The following IMPG2 variants were observed in gnomAD, a reference collection of about 807,000 sequenced individuals.
IMPG2 encodes IPM 200.
Under a neutral mutation model 129.2 loss-of-function variants are expected in IMPG2, and 91 were observed. The ratio of observed to expected loss-of-function variants is 0.70; its 90% confidence interval spans 0.59 to 0.84. The LOEUF is 0.84. Among genes scored for constraint, IMPG2 ranks in the 40% least tolerant of loss-of-function variants. The pLI is 0.00. For missense variants in IMPG2, 1,430 were observed against 1,461.7 expected (o/e 0.98, Z 0.35); for synonymous variants, 510 against 517.7 (o/e 0.99, Z 0.20).
chr3:101,273,535 AC>A, intron 7 of IMPG2, 45 bp downstream of exon 7: 1 of 1,592,394 alleles, frequency 6.3e-7, no homozygotes, highest in South Asian at 1.1e-5. Flanking sequence ...TAGGAAACTA[AC>A]ATAGCAGGCA....
At chr3:101,227,016 A>T (rs1330512983) in intron 18 of IMPG2, 35 bp from the exon 19 acceptor site, 1 of 1,611,686 alleles carries the variant, frequency 6.2e-7, no homozygotes, top group Non-Finnish European at 8.5e-7. Flanking sequence ...TTCAGTAAAA[A>T]AAAAGCAAGA....
rs140826107 is a variant in IMPG2 at position 101,222,840 on chromosome 3, G to A, written c.*4129C>T. ...GTATCATCACATAGTCCTGATATATGAAAAATTATACCTGTATTCTCTGAT... is the reference window on the plus strand; with the variant it reads ...GTATCATCACATAGTCCTGATATATAAAAAATTATACCTGTATTCTCTGAT... On this transcript the variant is annotated 3_prime_UTR_variant, in exon 19 of 19. Coordinates refer to ENST00000193391, the MANE Select transcript of IMPG2 (RefSeq NM_016247.4). The A allele has an allele frequency of 1.3e-5, 2 of 152,246 alleles. No homozygotes were observed. Among genetic ancestry groups the A allele is most frequent in the African/African-American group, 2.4e-5 (1 of 41,536 alleles). 9.4% of individuals were successfully genotyped at this position (152,246 alleles called of 1,614,324 possible). A position where few individuals can be genotyped will look rare whatever the true frequency, so the allele number is the denominator to read the frequency against.
At chr3:101,255,676 G>A (rs1706590430) in intron 10 of IMPG2, among the ~76,000 whole-genome samples, 1 of 151,970 alleles carries the variant, frequency 6.6e-6, no homozygotes, top group Non-Finnish European at 1.5e-5. Context: ...CATCTCCATG[G>A]TTAGCCCCGG....
chr3:101,290,535 CAG>C lies in IMPG2; in HGVS notation c.533+942_533+943del, dbSNP rs562307893. Among the ~76,000 whole-genome samples the C allele has an allele frequency of 2.2e-4, 33 of 152,086 alleles. No individual in the cohort carries two copies. The East Asian group carries it at 5.2e-3, about 24-fold the overall frequency. ...AAATAAATAAATGTAAAAAATAAAACAGAGTAAACCACACCCAAGAGACCACT... is the reference window on the plus strand; with the variant it reads ...AAATAAATAAATGTAAAAAATAAAACAGTAAACCACACCCAAGAGACCACT... On this transcript the variant is annotated intron_variant, in intron 4 of 18. Coordinates refer to ENST00000193391, the MANE Select transcript of IMPG2 (RefSeq NM_016247.4).
chr3:101,302,344 C>T (rs890501122), intron 3 of IMPG2, among the ~76,000 whole-genome samples: 3 of 152,060 alleles, frequency 2.0e-5, no homozygotes, highest in East Asian at 1.9e-4. Context: ...TCCTATATTG[C>T]GGACATAATT....
chr3:101,262,319 G>T (rs1022810952), intron 9 of IMPG2, among the ~76,000 whole-genome samples: 11 of 152,020 alleles, frequency 7.2e-5, no homozygotes, highest in African/African-American at 2.7e-4. Context: ...AAGAGGTACA[G>T]AGCAAATAAA....
Position 101,243,730 on chromosome 3 carries a change from T to G in IMPG2, c.2601A>C (p.Glu867Asp), listed in dbSNP as rs1706436144. 1.9e-6 allele frequency: 3 copies of G among 1,613,916 alleles called. No homozygotes were observed. Among genetic ancestry groups the G allele is most frequent in the Non-Finnish European group, 2.5e-6 (3 of 1,179,838 alleles). ...EQNGKVGSYV[E>D]MSTSVHSTEM... Reference sequence around the variant, plus strand: ...CTGTGGAGTGAACACTTGTTGACATTTCCACATAACTACCAACCTTGCCAT... The same window carrying G: ...CTGTGGAGTGAACACTTGTTGACATGTCCACATAACTACCAACCTTGCCAT... Residue 867 changes from glutamate to aspartate, a missense_variant, in exon 13 of 19, where the codon GAA becomes GAC. Glu to Asp is a conservative substitution (Grantham distance 45). Coordinates refer to ENST00000193391, the MANE Select transcript of IMPG2 (RefSeq NM_016247.4).
chr3:101,290,547 C>T (rs542643046), intron 4 of IMPG2, among the ~76,000 whole-genome samples: 2 of 152,166 alleles, frequency 1.3e-5, no homozygotes, highest in South Asian at 4.2e-4. Context: ...GAGTAAACCA[C>T]ACCCAAGAGA....
intron 4 of IMPG2, among the ~76,000 whole-genome samples, chr3:101,286,888 A>T (rs1428403242): frequency 6.6e-6 from 1 of 152,186 alleles, no homozygotes; most frequent in Non-Finnish European, 1.5e-5. Context: ...GCAGCTCCAG[A>T]GAAAACCCAT....
intron 10 of IMPG2, among the ~76,000 whole-genome samples, chr3:101,256,965 A>C (rs1275678550): frequency 6.6e-6 from 1 of 152,012 alleles, no homozygotes; most frequent in Non-Finnish European, 1.5e-5. Context: ...ATCCAGGTTA[A>C]ACACCCTCTT....
At chr3:101,317,907 G>T (rs2058793237) in intron 2 of IMPG2, among the ~76,000 whole-genome samples, 1 of 151,718 alleles carries the variant, frequency 6.6e-6, no homozygotes, top group African/African-American at 2.4e-5. Flanking sequence ...AAAATACCAA[G>T]ATATTCTTAT....
rs1307676457 is a variant in IMPG2, at chr3:101,245,936, A to G, written c.1409T>C (p.Met470Thr). ...STHKLAFPSK[M>T]GLSSSPEVLE... ...AACCTCTGGGGAAGAGCTGAGGCCC[A>G]TCTTCGAGGGAAAGGCTAATTTGTG... Residue 470 changes from methionine to threonine, a missense_variant, in exon 12 of 19, where the codon ATG (methionine) becomes ACG (threonine). By Grantham distance (81) the Met-to-Thr change is moderately conservative. Transcript: ENST00000193391. The G allele has an allele frequency of 3.1e-6, 5 of 1,614,056 alleles. No individual in the cohort carries two copies. The highest frequency in any genetic ancestry group is 1.7e-5 in the Admixed American group (1 of 60,000).
intron 4 of IMPG2, among the ~76,000 whole-genome samples, chr3:101,278,637 G>A (rs1706862408): frequency 6.6e-6 from 1 of 151,968 alleles, no homozygotes. Context: ...TGGTATGGGA[G>A]GGTAAATTAG....
intron 14 of IMPG2, among the ~76,000 whole-genome samples, chr3:101,241,704 G>A (rs1218953662): frequency 1.3e-5 from 2 of 152,076 alleles, no homozygotes; most frequent in South Asian, 2.1e-4. Flanking sequence ...GTGACTAAAA[G>A]CTCCAGGTGT....
chr3:101,261,205 T>A (rs1316586543), intron 9 of IMPG2, among the ~76,000 whole-genome samples: 1 of 152,136 alleles, frequency 6.6e-6, no homozygotes, highest in Non-Finnish European at 1.5e-5. Context: ...AGTTTCTTTT[T>A]CGGATTTTTG....
chr3:101,295,738 A>G (rs478173), intron 3 of IMPG2, among the ~76,000 whole-genome samples: 109,314 of 152,042 alleles, frequency 0.72, 40,443 homozygotes, highest in East Asian at 0.84. Flanking sequence ...ATTTCCTTGA[A>G]CAGTGAGTGG....
chr3:101,249,550 T>C (rs1235873924), intron 11 of IMPG2, among the ~76,000 whole-genome samples: 1 of 151,940 alleles, frequency 6.6e-6, no homozygotes, highest in Non-Finnish European at 1.5e-5. Flanking sequence ...TTTTTGGCAA[T>C]GTAGCTTTGG....
In IMPG2 at chr3:101,269,586, CA is replaced by C; in HGVS notation, c.829-14del. 1 of 1,500,696 alleles carries C rather than the reference CA, an allele frequency of 6.7e-7. No homozygotes were observed. The highest frequency in any genetic ancestry group is 9.3e-7 in the Non-Finnish European group (1 of 1,078,272). 93.0% of individuals were successfully genotyped at this position (1,500,696 alleles called of 1,614,324 possible). On this transcript the variant is annotated splice_polypyrimidine_tract_variant and intron_variant, in intron 7 of 18. Transcript: ENST00000193391. ...ATGCATTTTCAACCTGTTAAAAGTA[CA>C]AATAAAAATGATAACTATGTAAAAA...
chr3:101,242,754 A>T lies in IMPG2; in HGVS notation c.2956T>A (p.Phe986Ile). The change falls in exon 14 of 19, where the codon TTT becomes ATT. Residue 986 changes from phenylalanine (F) to isoleucine (I), a missense_variant. Transcript: ENST00000193391. ...ATGGTATTGTAGGCAGTGGTACAAAAGTCTTCCAGAATCATGTACACCGCA... is the reference window on the plus strand; with the variant it reads ...ATGGTATTGTAGGCAGTGGTACAAATGTCTTCCAGAATCATGTACACCGCA... The part of the protein sequence containing the change: ...NNAVYMILED[F>I]CTTAYNTMNL... 6.2e-7 allele frequency: 1 copy of T among 1,614,086 alleles called. No individual in the cohort carries two copies. The highest frequency in any genetic ancestry group is 1.1e-5 in the South Asian group (1 of 91,078).
Sources: allele counts gnomAD v4.1 joint callset (sites outside exome capture counted in the v4.1 genomes callset), GRCh38; gene constraint gnomAD v4.1.1; transcripts MANE v1.5; gene names NCBI Gene and HGNC (gene_info 2026-07-23, HGNC 2026-07-21).